CLOCK: variants seen among roughly 807,000 people sequenced by gnomAD.
The protein encoded by CLOCK is circadian locomoter output cycles protein kaput.
Under a neutral mutation model 118.4 loss-of-function variants are expected in CLOCK, and 43 were observed. That is an observed-to-expected ratio of 0.36 (90% confidence interval 0.28 to 0.47). CLOCK has a LOEUF of 0.47. Ranked by LOEUF, CLOCK falls within the 20% of genes least tolerant of loss-of-function variation. CLOCK has a pLI of 1.00. For synonymous variants in CLOCK, 326 were observed against 339.2 expected (o/e 0.96, Z 0.43); for missense variants, 846 against 999.9 (o/e 0.85, Z 2.08).
chr4:55,446,102 T>TTC lies in CLOCK; in HGVS notation c.1540-1318_1540-1317insGA, dbSNP rs200308983. On this transcript the variant is annotated intron_variant, in intron 18 of 22. Coordinates refer to ENST00000513440, the MANE Select transcript of CLOCK (RefSeq NM_004898.4). ...ACTTACTGGAAAAAAATTTAACTTC[T>TTC]TTTTTTTTTTTTTTTTTTTGAGACA... Among the ~76,000 whole-genome samples the TTC allele has an allele frequency of 0.012, 411 of 33,746 alleles. 7 individuals are homozygous for TTC. In the South Asian group the frequency reaches 0.13, roughly 11 times the overall value. The allele number at this position is 33,746 out of a possible 152,430, so 22.1% of individuals were successfully genotyped here.
At chr4:55,512,381 T>G (rs1915905) in intron 1 of CLOCK, among the ~76,000 whole-genome samples, 37,423 of 132,398 alleles carry the variant, frequency 0.28, 4,930 homozygotes, top group South Asian at 0.46. Flanking sequence ...ATATCTTCTT[T>G]GGTAAGGTTA....
chr4:55,449,023 G>T (rs1451420472), intron 17 of CLOCK, among the ~76,000 whole-genome samples, 155 bp from the exon 18 acceptor site: 3 of 151,954 alleles, frequency 2.0e-5, no homozygotes, highest in Admixed American at 2.0e-4. Context: ...ATCTATATTG[G>T]AAAGGCCTGT....
At chr4:55,447,037 T>G (rs907547160) in intron 18 of CLOCK, among the ~76,000 whole-genome samples, 1 of 145,252 alleles carries the variant, frequency 6.9e-6, no homozygotes, top group Admixed American at 6.9e-5. Flanking sequence ...CTCCCTCAAG[T>G]TTTTTTTTTT....
intron 6 of CLOCK, among the ~76,000 whole-genome samples, chr4:55,477,427 G>A (rs999894498): frequency 2.6e-5 from 4 of 151,912 alleles, no homozygotes; most frequent in Non-Finnish European, 4.4e-5. Context: ...ACACATTTAC[G>A]AAAGAATCAA....
chr4:55,463,200 G>A (rs1424417596), intron 9 of CLOCK, among the ~76,000 whole-genome samples: 3 of 150,558 alleles, frequency 2.0e-5, no homozygotes, highest in Non-Finnish European at 4.4e-5. Context: ...CAAGTACCTA[G>A]CAAATTAGAT....
intron 2 of CLOCK, among the ~76,000 whole-genome samples, chr4:55,502,075 TA>T (rs1728484313): frequency 6.6e-6 from 1 of 152,228 alleles, no homozygotes; most frequent in Admixed American, 6.5e-5. Flanking sequence ...TATAAAAGTC[TA>T]AATGTAAGAA....
chr4:55,492,384 C>G (rs1450498087), intron 2 of CLOCK, among the ~76,000 whole-genome samples: 1 of 138,352 alleles, frequency 7.2e-6, no homozygotes, highest in Non-Finnish European at 1.6e-5. Context: ...ATTCAACAAA[C>G]TAGGAATAGA....
At chr4:55,466,428 A>C (rs1218316599) in intron 8 of CLOCK, among the ~76,000 whole-genome samples, 1 of 152,168 alleles carries the variant, frequency 6.6e-6, no homozygotes, top group Non-Finnish European at 1.5e-5. Context: ...GTGACAACAG[A>C]CTAATACATC....
chr4:55,539,572 C>CAAAAAAAAAAAAAAAAAAAAAA (rs57022769), intron 1 of CLOCK, among the ~76,000 whole-genome samples: 4 of 52,064 alleles, frequency 7.7e-5, no homozygotes, highest in Non-Finnish European at 9.6e-5. Context: ...GACCTTGTCT[C>CAAAAAAAAAAAAAAAAAAAAAA]AAAAAAAAAA....
chr4:55,479,044 G>T, intron 5 of CLOCK, 81 bp from the exon 6 acceptor site: 1 of 1,148,650 alleles, frequency 8.7e-7, no homozygotes, highest in Non-Finnish European at 1.2e-6. Context: ...ATTTAGACAT[G>T]ACACAGCATG....
intron 18 of CLOCK, among the ~76,000 whole-genome samples, chr4:55,445,511 G>GTTCC (rs1723735530): frequency 2.7e-5 from 4 of 149,804 alleles, no homozygotes. Flanking sequence ...TTCTAAGTAT[G>GTTCC]TTCCTTCCTT....
At chr4:55,539,211 A>G (rs1476768557) in intron 1 of CLOCK, among the ~76,000 whole-genome samples, 1 of 150,616 alleles carries the variant, frequency 6.6e-6, no homozygotes, top group Non-Finnish European at 1.5e-5. Flanking sequence ...CTCCAGCCTA[A>G]GCAACAGAAC....
chr4:55,480,526 A>G (rs1466692005), intron 4 of CLOCK, among the ~76,000 whole-genome samples: 1 of 152,118 alleles, frequency 6.6e-6, no homozygotes, highest in Non-Finnish European at 1.5e-5. Context: ...TCAGCCTCCT[A>G]AAGTGTTGGG....
intron 2 of CLOCK, among the ~76,000 whole-genome samples, chr4:55,507,134 T>C (rs1164249316): frequency 2.0e-5 from 3 of 151,924 alleles, no homozygotes; most frequent in African/African-American, 7.3e-5. Context: ...AGCAGCATAG[T>C]GAAACCTCAT....
At chr4:55,544,437 T>C (rs1292020468) in intron 1 of CLOCK, among the ~76,000 whole-genome samples, 3 of 152,212 alleles carry the variant, frequency 2.0e-5, no homozygotes, top group African/African-American at 7.2e-5. Context: ...AGCAGCATAA[T>C]CCAGCCATAA....
At chr4:55,521,091 C>A (rs994965745) in intron 1 of CLOCK, among the ~76,000 whole-genome samples, 4 of 152,160 alleles carry the variant, frequency 2.6e-5, no homozygotes, top group African/African-American at 4.8e-5. Context: ...GATATTCTTA[C>A]AAAAGTGCAA....
At position 55,503,091 on chromosome 4, in the gene CLOCK, A is replaced by C. The variant is rs527250867; in HGVS notation, c.-136+6821T>G. 2.0e-5 allele frequency among the ~76,000 whole-genome samples: 3 copies of C among 152,340 alleles called. No homozygotes were observed. The East Asian group carries it at 5.8e-4, about 29-fold the overall frequency. On this transcript the variant is annotated intron_variant, in intron 2 of 22. Transcript: ENST00000513440. ...TTTAACTACTTTGGAAAACTAGGAT[A>C]ATCTCCTAAAGCTAAACAGCCAGAT...
At chr4:55,482,138 T>C (rs1726977224) in intron 4 of CLOCK, among the ~76,000 whole-genome samples, 1 of 152,012 alleles carries the variant, frequency 6.6e-6, no homozygotes, top group Non-Finnish European at 1.5e-5. Flanking sequence ...CCTGTGTAGG[T>C]TTTTCATGCG....
chr4:55,529,927 T>C lies in CLOCK; in HGVS notation c.-290+16855A>G, dbSNP rs146239862. On this transcript the variant is annotated intron_variant, in intron 1 of 22. Coordinates refer to ENST00000513440, the MANE Select transcript of CLOCK (RefSeq NM_004898.4). ...ACATTCGCAGGTCAGAAACATACAA[T>C]TGAAAACATCTGTCAAAATACAGAA... Among the ~76,000 whole-genome samples, 8 of 152,158 alleles carry C rather than the reference T, an allele frequency of 5.3e-5. No individual in the cohort carries two copies. The East Asian group carries it at 1.2e-3, about 22-fold the overall frequency.
Sources: allele counts gnomAD v4.1 joint callset (sites outside exome capture counted in the v4.1 genomes callset), GRCh38; gene constraint gnomAD v4.1.1; transcripts MANE v1.5; gene names NCBI Gene and HGNC (gene_info 2026-07-23, HGNC 2026-07-21).